Variants in HSP90AA1 observed in about 807,000 individuals in gnomAD.
HSP90AA1 encodes heat shock protein 90 alpha family class A member 1.
Under a neutral mutation model 73.3 loss-of-function variants are expected in HSP90AA1, and 18 were observed. The ratio of observed to expected loss-of-function variants is 0.25; its 90% CI spans 0.17 to 0.36. HSP90AA1 has a LOEUF of 0.36. Among genes scored for constraint, HSP90AA1 ranks in the 10% least tolerant of loss-of-function variants. The pLI is 1.00. For synonymous variants in HSP90AA1, 477 were observed against 296.9 expected (o/e 1.61, Z -6.24); for missense variants, 704 against 874.2 (o/e 0.81, Z 2.45).
In HSP90AA1 at chr14:102,086,624, C is replaced by T. The variant is rs368290281; in HGVS notation, c.1-246G>A. ...CCCAGTCCCCCGCCGCGGTCCCCAA[C>T]GAACACCCCGGGTGCCCTCCCGCGC... On this transcript the variant is annotated intron_variant, in intron 1 of 10. Coordinates refer to ENST00000216281, the MANE Select transcript of HSP90AA1 (RefSeq NM_005348.4). Among the ~76,000 whole-genome samples the T allele has an allele frequency of 2.1e-4, 32 of 151,780 alleles. No individual in the cohort carries two copies. In the East Asian group the frequency reaches 5.6e-3, roughly 27 times the overall value.
chr14:102,097,069 C>A (rs1053787163), intron 2 of HSP90AA1, among the ~76,000 whole-genome samples: 6 of 152,036 alleles, frequency 3.9e-5, no homozygotes, highest in Admixed American at 2.6e-4. Flanking sequence ...CTCACTGCAA[C>A]CTCCACCTCC....
chr14:102,094,093 C>G (rs920174775), intron 2 of HSP90AA1, among the ~76,000 whole-genome samples: 2 of 152,128 alleles, frequency 1.3e-5, no homozygotes, highest in African/African-American at 4.8e-5. Context: ...ACTATAAAAT[C>G]GGGATGCTTC....
chr14:102,088,515 G>C (rs1196375327), upstream of HSP90AA1, among the ~76,000 whole-genome samples: 2 of 152,250 alleles, frequency 1.3e-5, no homozygotes, highest in Admixed American at 6.5e-5. Context: ...AAAGCGTCTT[G>C]CCTGGCATTA....
chr14:102,082,193 A>G lies in HSP90AA1; in HGVS notation c.2007T>C (p.Thr669=), dbSNP rs775028184. 6.2e-5 allele frequency: 100 copies of G among 1,613,908 alleles called. 1 individual carries two copies. The highest frequency in any genetic ancestry group is 8.3e-5 in the Non-Finnish European group (98 of 1,179,780). ...VKDLVILLYE[T]ALLSSGFSLE... ...GACTGAAGCCAGAAGACAGGAGCGC[A>G]GTTTCATAAAGCAAGATGACCAGAT... Residue 669 remains threonine, a synonymous_variant, in exon 10 of 11, where the codon ACT becomes ACC. Transcript: ENST00000216281.
intron 1 of HSP90AA1, among the ~76,000 whole-genome samples, chr14:102,131,193 C>T (rs2049903262): frequency 6.6e-6 from 1 of 152,202 alleles, no homozygotes; most frequent in Non-Finnish European, 1.5e-5. Context: ...TCAAAACATG[C>T]TCTTCCTCAG....
chr14:102,106,615 C>G (rs543047032), intron 1 of HSP90AA1, among the ~76,000 whole-genome samples: 1 of 145,828 alleles, frequency 6.9e-6, no homozygotes, highest in South Asian at 2.2e-4. Flanking sequence ...CACAACTCAG[C>G]TCACTGCAAC....
intron 1 of HSP90AA1, among the ~76,000 whole-genome samples, chr14:102,129,354 C>A (rs572765918): frequency 2.0e-5 from 3 of 152,008 alleles, no homozygotes; most frequent in African/African-American, 7.2e-5. Context: ...CACCCAACGA[C>A]TATTATTCAG....
intron 1 of HSP90AA1, among the ~76,000 whole-genome samples, chr14:102,108,012 A>G (rs928143779): frequency 4.0e-5 from 6 of 150,870 alleles, no homozygotes; most frequent in Non-Finnish European, 7.4e-5. Context: ...CACCTGTAAT[A>G]CCAGCACTTT....
intron 4 of HSP90AA1, 67 bp downstream of exon 4, chr14:102,085,231 G>T: frequency 6.6e-7 from 1 of 1,525,164 alleles, no homozygotes; most frequent in African/African-American, 1.4e-5. Context: ...TAGGGACTAA[G>T]GATGTAGTAC....
chr14:102,134,888 A>AG (rs1171591282), intron 1 of HSP90AA1, among the ~76,000 whole-genome samples: 2 of 152,200 alleles, frequency 1.3e-5, no homozygotes, highest in African/African-American at 4.8e-5. Flanking sequence ...GGCCCCACCC[A>AG]CATCCTGCTG....
chr14:102,083,066 T>C lies in HSP90AA1; in HGVS notation c.1723A>G (p.Met575Val), dbSNP rs749499747. ...KTKFENLCKI[M>V]KDILEKKVEK... is the part of the protein sequence containing the mutation. Reference sequence around the variant, plus strand: ...ACTTTTTTCTCCAATATGTCTTTCATGATTTTGCAGAGGTTCTCAAACTTT... The same window carrying C: ...ACTTTTTTCTCCAATATGTCTTTCACGATTTTGCAGAGGTTCTCAAACTTT... Residue 575 changes from methionine (M) to valine (V), a missense_variant, in exon 9 of 11, where the codon ATG becomes GTG. Transcript: ENST00000216281. 3.7e-6 allele frequency: 6 copies of C among 1,613,956 alleles called. No homozygotes were observed. Among genetic ancestry groups the C allele is most frequent in the Middle Eastern group, 1.7e-4 (1 of 6,056 alleles).
intron 8 of HSP90AA1, 65 bp downstream of exon 8, chr14:102,083,481 C>A: frequency 6.6e-7 from 1 of 1,524,882 alleles, no homozygotes; most frequent in East Asian, 2.2e-5. Context: ...GAGTAGAAAA[C>A]ACACCCACAG....
intron 1 of HSP90AA1, 38 bp downstream of exon 1, chr14:102,086,948 C>G: frequency 1.0e-6 from 1 of 975,332 alleles, no homozygotes; most frequent in Non-Finnish European, 1.2e-6. Flanking sequence ...GTCCCGGTCC[C>G]CAGTCCACCT....
chr14:102,129,504 CTT>C lies in HSP90AA1; in HGVS notation c.155+9744_155+9745del, dbSNP rs34986713. Among the ~76,000 whole-genome samples the C allele has an allele frequency of 2.4e-3, 264 of 108,460 alleles. 1 individual carries two copies. Among genetic ancestry groups the C allele is most frequent in the South Asian group, 6.9e-3 (22 of 3,198 alleles). The allele number at this position is 108,460 out of a possible 152,430, so 71.2% of individuals were successfully genotyped here. ...TACTTTCTGTCTCTATACTACATTC[CTT>C]TTTTTTTTTTTTTTGAGTTGGAGTC... On this transcript the variant is annotated intron_variant, in intron 1 of 11. Transcript: ENST00000334701.
Position 102,086,145 on chromosome 14 carries a change from T to G in HSP90AA1, c.163-21A>C, listed in dbSNP as rs750391102. On this transcript the variant is annotated intron_variant, in intron 2 of 10. Coordinates refer to ENST00000216281, the MANE Select transcript of HSP90AA1 (RefSeq NM_005348.4). ...AATGCCTGTTAACAAAAAATATTAA[T>G]TTAAGCATACAGCACCCCCAAGAAG... 6.8e-6 allele frequency: 11 copies of G among 1,613,988 alleles called. No individual in the cohort carries two copies. In the Middle Eastern group the frequency reaches 1.2e-3, roughly 169 times the overall value.
At position 102,085,311 on chromosome 14, in the gene HSP90AA1, G is replaced by A. The variant is rs1352274970; in HGVS notation, c.650C>T (p.Pro217Leu). 7 of 1,611,974 alleles carry A rather than the reference G, an allele frequency of 4.3e-6. No individual in the cohort carries two copies. The part of the protein sequence containing the change: ...VKKHSQFIGY[P>L]ITLFVEKERD... ...ATAAAAACTTACAAAAAGAGTAATGGGATATCCAATAAACTGAGAATGTTT... is the reference window on the plus strand; with the variant it reads ...ATAAAAACTTACAAAAAGAGTAATGAGATATCCAATAAACTGAGAATGTTT... The change falls in exon 4 of 11, where the codon CCC becomes CTC. Residue 217 changes from proline to leucine, a missense_variant. Coordinates refer to ENST00000216281, the MANE Select transcript of HSP90AA1 (RefSeq NM_005348.4).
chr14:102,111,678 T>C (rs1271154947), intron 1 of HSP90AA1, among the ~76,000 whole-genome samples: 1 of 152,218 alleles, frequency 6.6e-6, no homozygotes, highest in East Asian at 1.9e-4. Flanking sequence ...ATTGGTTTAG[T>C]TATAAGCTGG....
intron 1 of HSP90AA1, among the ~76,000 whole-genome samples, chr14:102,129,930 C>A (rs2049887336): frequency 6.6e-6 from 1 of 152,096 alleles, no homozygotes; most frequent in South Asian, 2.1e-4. Context: ...AATAATGCCG[C>A]TGTGAACATT....
chr14:102,121,561 G>GTA (rs2049779021), intron 1 of HSP90AA1, among the ~76,000 whole-genome samples: 1 of 152,080 alleles, frequency 6.6e-6, no homozygotes, highest in Non-Finnish European at 1.5e-5. Flanking sequence ...TTCTCACCAA[G>GTA]TATGTGAACC....
Sources: allele counts gnomAD v4.1 joint callset (sites outside exome capture counted in the v4.1 genomes callset), GRCh38; gene constraint gnomAD v4.1.1; transcripts MANE v1.5; gene names NCBI Gene and HGNC (gene_info 2026-07-23, HGNC 2026-07-21).